Variants in SUSD1 observed in about 807,000 individuals in gnomAD.
SUSD1 encodes sushi domain containing 1, also known as sushi domain-containing protein 1.
Under a neutral mutation model 86.9 loss-of-function variants are expected in SUSD1, and 65 were observed. That is an observed-to-expected ratio of 0.75 (90% CI 0.61 to 0.92). The LOEUF (loss-of-function observed/expected upper bound fraction) is 0.92, where lower values mean the gene tolerates loss of function less well. Ranked by LOEUF, SUSD1 falls within the 40% of genes least tolerant of loss-of-function variation. The pLI is 0.00. For synonymous variants in SUSD1, 346 were observed against 350.0 expected (o/e 0.99, Z 0.13); for missense variants, 850 against 929.7 (o/e 0.91, Z 1.11).
chr9:112,154,667 A>G lies in SUSD1; in HGVS notation c.217+2833T>C, dbSNP rs187105667. Reference sequence around the variant, plus strand: ...GTTTTAGAAACAAGTCCAGCTGTCCATAAAATGGAATATTCCTGTCCTTTG... The same window carrying G: ...GTTTTAGAAACAAGTCCAGCTGTCCGTAAAATGGAATATTCCTGTCCTTTG... On this transcript the variant is annotated intron_variant, in intron 2 of 16. Coordinates refer to ENST00000374270, the MANE Select transcript of SUSD1 (RefSeq NM_022486.5). Among the ~76,000 whole-genome samples, 679 of 152,352 alleles carry G rather than the reference A, an allele frequency of 4.5e-3. 3 individuals are homozygous for G. Among genetic ancestry groups the G allele is most frequent in the African/African-American group, 0.016 (660 of 41,588 alleles).
intron 8 of SUSD1, among the ~76,000 whole-genome samples, chr9:112,107,366 T>C (rs1830895544): frequency 6.6e-6 from 1 of 151,728 alleles, no homozygotes; most frequent in African/African-American, 2.4e-5. Context: ...CAAGAATCGC[T>C]TAAAACCGGG....
At chr9:112,126,592 C>A (rs541093559) in intron 5 of SUSD1, among the ~76,000 whole-genome samples, 26 of 152,268 alleles carry the variant, frequency 1.7e-4, no homozygotes, top group Non-Finnish European at 3.5e-4. Context: ...GTTAACAGAG[C>A]TATTCAAGTT....
intron 12 of SUSD1, among the ~76,000 whole-genome samples, chr9:112,075,089 A>T (rs1424588968): frequency 6.6e-6 from 1 of 152,208 alleles, no homozygotes; most frequent in East Asian, 1.9e-4. Context: ...ACAGCATCCA[A>T]ATATGAGAAA....
chr9:112,065,887 C>T (rs1212212464), intron 12 of SUSD1, among the ~76,000 whole-genome samples: 1 of 152,216 alleles, frequency 6.6e-6, no homozygotes, highest in East Asian at 1.9e-4. Flanking sequence ...GCCTGGAACA[C>T]AGCAGCCGTC....
intron 14 of SUSD1, among the ~76,000 whole-genome samples, chr9:112,053,014 C>A (rs1327608347): frequency 2.0e-5 from 3 of 152,034 alleles, no homozygotes; most frequent in African/African-American, 7.2e-5. Context: ...TCTCTTCCCC[C>A]CTGTCATTAT....
chr9:112,077,499 CTTTTTTTTTTT>C (rs869259276), intron 12 of SUSD1, among the ~76,000 whole-genome samples: 4 of 66,420 alleles, frequency 6.0e-5, no homozygotes, highest in African/African-American at 6.1e-5. Context: ...TAGTAATCTA[CTTTTTTTTTTT>C]TTTTTTTTTT....
rs1834231866 is a variant in SUSD1 at position 112,175,271 on chromosome 9, C to T, written c.-36G>A. The T allele has an allele frequency of 8.8e-7, 1 of 1,137,888 alleles. No individual in the cohort carries two copies. Among genetic ancestry groups the T allele is most frequent in the Non-Finnish European group, 1.1e-6 (1 of 927,700 alleles). The allele number at this position is 1,137,888 out of a possible 1,614,324, so 70.5% of individuals were successfully genotyped here. A position where few individuals can be genotyped will look rare whatever the true frequency, so the allele number is the denominator to read the frequency against. On this transcript the variant is annotated 5_prime_UTR_variant, in exon 1 of 17. Coordinates refer to ENST00000374270, the MANE Select transcript of SUSD1 (RefSeq NM_022486.5). The surrounding 1 kb of genome is among the most constrained non-coding windows in gnomAD (Gnocchi z 4.7). Reference sequence around the variant, plus strand: ...GTCCCTCCCGGCGCGCCCGCGCCTCCTCCCGGGGCCCTCAGGGTGCAGAGA... The same window carrying T: ...GTCCCTCCCGGCGCGCCCGCGCCTCTTCCCGGGGCCCTCAGGGTGCAGAGA...
intron 13 of SUSD1, among the ~76,000 whole-genome samples, chr9:112,062,679 G>T (rs1220349880): frequency 6.6e-6 from 1 of 151,938 alleles, no homozygotes; most frequent in East Asian, 1.9e-4. Flanking sequence ...TGTATGATGG[G>T]AGTGACACTC....
chr9:112,123,134 C>T (rs1831620455), intron 6 of SUSD1, among the ~76,000 whole-genome samples: 1 of 152,154 alleles, frequency 6.6e-6, no homozygotes, highest in Non-Finnish European at 1.5e-5. Flanking sequence ...AAAGGAATAC[C>T]TGAGACTAGG....
At position 112,157,274 on chromosome 9, in the gene SUSD1, T is replaced by C. The variant is rs73538226; in HGVS notation, c.217+226A>G. Among the ~76,000 whole-genome samples, 887 of 152,278 alleles carry C rather than the reference T, an allele frequency of 5.8e-3. 5 individuals carry two copies. Among genetic ancestry groups the C allele is most frequent in the African/African-American group, 0.02 (851 of 41,566 alleles). On this transcript the variant is annotated intron_variant, in intron 2 of 16. Transcript: ENST00000374270. Reference sequence around the variant, plus strand: ...TGTTAGGTCCCAGAGTTTCCAGAGATTCAAGTTCAATGACCTCTAACATGA... The same window carrying C: ...TGTTAGGTCCCAGAGTTTCCAGAGACTCAAGTTCAATGACCTCTAACATGA...
intron 13 of SUSD1, among the ~76,000 whole-genome samples, chr9:112,059,117 G>A (rs963445811): frequency 6.6e-5 from 10 of 152,216 alleles, no homozygotes; most frequent in African/African-American, 2.4e-4. Context: ...CTAGGCACTG[G>A]AGACACGACA....
At chr9:112,053,513 C>CAAAAAAAAAAAAA (rs56987871) in intron 14 of SUSD1, among the ~76,000 whole-genome samples, 3 of 77,666 alleles carry the variant, frequency 3.9e-5, no homozygotes, top group African/African-American at 1.8e-4. Context: ...GACTTCGTCT[C>CAAAAAAAAAAAAA]AAAAAAAAAA....
chr9:112,043,993 C>T (rs938228276), intron 15 of SUSD1, among the ~76,000 whole-genome samples: 2 of 151,820 alleles, frequency 1.3e-5, no homozygotes, highest in Admixed American at 6.6e-5. Context: ...AGAGACAGGG[C>T]TTCACCATGT....
chr9:112,126,125 T>C (rs375716812), intron 5 of SUSD1, among the ~76,000 whole-genome samples: 71 of 152,298 alleles, frequency 4.7e-4, no homozygotes, highest in African/African-American at 1.5e-3. Flanking sequence ...ACCAAAGAGA[T>C]GGTTAATGTT....
chr9:112,124,985 GAC>G (rs974986846), intron 5 of SUSD1, among the ~76,000 whole-genome samples: 1 of 152,012 alleles, frequency 6.6e-6, no homozygotes, highest in Admixed American at 6.6e-5. Flanking sequence ...ACTACTAAAA[GAC>G]AATTAAATAT....
rs71382404 is a variant in SUSD1, at chr9:112,086,560, AAGAGAG to A, written c.1475-6401_1475-6396del. Among the ~76,000 whole-genome samples, 95 of 136,308 alleles carry A rather than the reference AAGAGAG, an allele frequency of 7.0e-4. No homozygotes were observed. In the East Asian group the frequency reaches 0.01, roughly 14 times the overall value. 89.4% of individuals were successfully genotyped at this position (136,308 alleles called of 152,430 possible). On this transcript the variant is annotated intron_variant, in intron 10 of 16. Transcript: ENST00000374270. ...AAAAAAAGAAAGAAAGAAAGAAAGA[AAGAGAG>A]AGAGAGAGAGAGAGAGAGATCTGGT... is the stretch of plus-strand genomic sequence containing the variant.
At chr9:112,168,674 G>T (rs927117721) in intron 1 of SUSD1, among the ~76,000 whole-genome samples, 1 of 152,134 alleles carries the variant, frequency 6.6e-6, no homozygotes, top group Admixed American at 6.5e-5. Flanking sequence ...ACAAATGCAG[G>T]CCAAGCACAA....
At chr9:112,097,803 C>G (rs763639120) in intron 10 of SUSD1, among the ~76,000 whole-genome samples, 3 of 152,154 alleles carry the variant, frequency 2.0e-5, no homozygotes, top group Admixed American at 6.5e-5. Flanking sequence ...GACCTACCCT[C>G]TTCTGCTGCT....
At chr9:112,087,012 T>C (rs1830014534) in intron 10 of SUSD1, among the ~76,000 whole-genome samples, 1 of 149,686 alleles carries the variant, frequency 6.7e-6, no homozygotes, top group African/African-American at 2.4e-5. Context: ...ATATATAATA[T>C]ACATATAAAA....
Sources: gnomAD v4.1 joint callset for allele counts (sites outside exome capture counted in the v4.1 genomes callset) on GRCh38, gnomAD v4.1.1 for gene constraint, Gnocchi (gnomAD v3.1) non-coding constraint, MANE v1.5 for transcripts, NCBI Gene and HGNC (gene_info 2026-07-23, HGNC 2026-07-21) for gene names.